The following C11orf71 variants were observed in gnomAD, a reference collection of about 807,000 sequenced individuals.
The protein encoded by C11orf71 is uncharacterized protein C11orf71.
For missense variants in C11orf71, 179 were observed against 167.6 expected, an observed-to-expected ratio of 1.07 and a Z score of -0.38; for synonymous variants, 72 against 73.4, an observed-to-expected ratio of 0.98 and a Z score of 0.09.
downstream of C11orf71, among the ~76,000 whole-genome samples, chr11:114,394,188 C>CT (rs774640964): frequency 2.1e-5 from 1 of 47,466 alleles, no homozygotes; most frequent in East Asian, 4.4e-4. Context: ...CGTTTCTTTT[C>CT]TTTTCTTTTC....
chr11:114,392,079 G>C (rs1946077338), intron 1 of C11orf71, among the ~76,000 whole-genome samples: 1 of 152,088 alleles, frequency 6.6e-6, no homozygotes. Flanking sequence ...ACAGGTATTG[G>C]TTGCATTTTA....
Position 114,400,046 on chromosome 11 carries a change from CA to C in C11orf71, c.285del (p.Ala96ProfsTer7). The C allele has an allele frequency of 6.2e-7, 1 of 1,614,036 alleles. No individual in the cohort carries two copies. The highest frequency in any genetic ancestry group is 8.5e-7 in the Non-Finnish European group (1 of 1,179,890). On this transcript the variant is annotated frameshift_variant, in exon 1 of 1. Transcript: ENST00000623205. LOFTEE classifies it low-confidence loss of function (END_TRUNC). ...CTTCTTAGGAGATCGGGTTCAACGG[CA>C]GGGATTGGGTAAGGTGAGAATCTGG... The part of the protein sequence containing the change: ...RQARFSPYPI[P>X]AVEPDLLRSV...
downstream of C11orf71, among the ~76,000 whole-genome samples, chr11:114,395,471 T>G (rs1946124049): frequency 6.6e-6 from 1 of 152,222 alleles, no homozygotes; most frequent in African/African-American, 2.4e-5. Flanking sequence ...ATGGAAAGTC[T>G]GAAATGTTTT....
At chr11:114,394,193 C>CTTTT (rs1200009241), downstream of C11orf71, among the ~76,000 whole-genome samples, 6 of 48,786 alleles carry the variant, frequency 1.2e-4, no homozygotes, top group African/African-American at 3.8e-4. Flanking sequence ...CTTTTCTTTT[C>CTTTT]TTTTCTTTTC....
Position 114,398,925 on chromosome 11 carries a change from C to T in C11orf71, c.*1035G>A, listed in dbSNP as rs1946150557. On this transcript the variant is annotated 3_prime_UTR_variant, in exon 1 of 1. Coordinates refer to ENST00000623205, the MANE Select transcript of C11orf71 (RefSeq NM_001271562.2). ...TATAAAGAGCTGGCACTTACAAAAC[C>T]CATTAACTTTCTCAAAATACCACCC... The T allele has an allele frequency of 6.6e-6, 1 of 151,948 alleles. No individual in the cohort carries two copies. The highest frequency in any genetic ancestry group is 2.1e-4 in the South Asian group (1 of 4,818). The allele number at this position is 151,948 out of a possible 1,614,324, so 9.4% of individuals were successfully genotyped here.
At chr11:114,394,264 T>C (rs868633051), downstream of C11orf71, among the ~76,000 whole-genome samples, 521 of 59,620 alleles carry the variant, frequency 8.7e-3, 22 homozygotes, top group African/African-American at 0.048. Context: ...TTTCTTTTCT[T>C]TTCTTTTCTT....
chr11:114,392,548 A>AAAAAAAAAAAAAAAAG (rs1461395379), intron 1 of C11orf71, among the ~76,000 whole-genome samples: 1 of 124,852 alleles, frequency 8.0e-6, no homozygotes, highest in African/African-American at 2.9e-5. Context: ...AAAAAAAAAA[A>AAAAAAAAAAAAAAAAG]AAGAAGAAGA....
intron 1 of C11orf71, among the ~76,000 whole-genome samples, chr11:114,392,744 A>C (rs1256571750): frequency 3.3e-5 from 5 of 151,610 alleles, no homozygotes; most frequent in East Asian, 1.9e-4. Flanking sequence ...AAAAAAAAAA[A>C]ACAAAAAAAA....
rs1180956138 is a variant in C11orf71 at position 114,392,739 on chromosome 11, A to G, written c.344-1074T>C. On this transcript the variant is annotated intron_variant, in intron 1 of 1. Coordinates refer to the C11orf71 transcript ENST00000325636. ...TAGAGTAAGATCCTGTCTCAAAAAA[A>G]AAAAAACAAAAAAAAATTGTACAAT... 2.0e-5 allele frequency among the ~76,000 whole-genome samples: 3 copies of G among 151,792 alleles called. No homozygotes were observed. The East Asian group carries it at 5.8e-4, about 29-fold the overall frequency.
chr11:114,397,822 A>G (rs1046800811), downstream of C11orf71, among the ~76,000 whole-genome samples: 1 of 152,194 alleles, frequency 6.6e-6, no homozygotes, highest in Non-Finnish European at 1.5e-5. Flanking sequence ...TCACCTTGGC[A>G]TAATTGATGG....
intron 1 of C11orf71, among the ~76,000 whole-genome samples, chr11:114,393,131 C>T (rs534145917): frequency 2.6e-5 from 4 of 152,322 alleles, no homozygotes; most frequent in African/African-American, 7.2e-5. Flanking sequence ...GGCAAAACAG[C>T]TCTTACATGC....
At chr11:114,398,394 T>C (rs1946143582), downstream of C11orf71, 1 of 151,516 alleles carries the variant, frequency 6.6e-6, no homozygotes, top group Non-Finnish European at 1.5e-5. Flanking sequence ...TGCAGGGCTC[T>C]ATCATTTACT....
At chr11:114,395,167 T>C (rs539665126), downstream of C11orf71, among the ~76,000 whole-genome samples, 6 of 152,108 alleles carry the variant, frequency 3.9e-5, no homozygotes, top group Non-Finnish European at 8.8e-5. Flanking sequence ...AGATTACACC[T>C]CTATCCCTGG....
chr11:114,395,065 C>T (rs1160855986), downstream of C11orf71, among the ~76,000 whole-genome samples: 10 of 151,814 alleles, frequency 6.6e-5, no homozygotes, highest in Admixed American at 2.6e-4. Flanking sequence ...TCATTCAACA[C>T]GCATTCATTA....
chr11:114,396,473 C>T (rs1448830205), downstream of C11orf71, among the ~76,000 whole-genome samples: 2 of 152,066 alleles, frequency 1.3e-5, no homozygotes, highest in South Asian at 2.1e-4. Context: ...CAGAGATGTG[C>T]TTTAGGAATA....
Position 114,399,970 on chromosome 11 carries a change from A to AT in C11orf71, c.361dup (p.Ile121AsnfsTer36), listed in dbSNP as rs767557232. 1 of 1,596,694 alleles carries AT rather than the reference A, an allele frequency of 6.3e-7. No individual in the cohort carries two copies. The highest frequency in any genetic ancestry group is 8.6e-7 in the Non-Finnish European group (1 of 1,166,736). On this transcript the variant is annotated frameshift_variant, in exon 1 of 1. Coordinates refer to ENST00000623205, the MANE Select transcript of C11orf71 (RefSeq NM_001271562.2). LOFTEE classifies it high-confidence loss of function. ...AGGAAAGGTGTTCGTTTAAACTGAA[A>AT]TTCGAGCTGCGATAACACCTCCTAA...
downstream of C11orf71, among the ~76,000 whole-genome samples, chr11:114,395,973 T>C (rs1367721247): frequency 1.3e-5 from 2 of 152,202 alleles, no homozygotes; most frequent in African/African-American, 4.8e-5. Context: ...CGTAGCTCAC[T>C]ACATTCCTCC....
At chr11:114,394,374 A>G (rs1946114341), downstream of C11orf71, among the ~76,000 whole-genome samples, 1 of 150,044 alleles carries the variant, frequency 6.7e-6, no homozygotes, top group Non-Finnish European at 1.5e-5. Flanking sequence ...GGCTCACTGC[A>G]ACTTCTGCCT....
In C11orf71 at chr11:114,400,272, G is replaced by A. The variant is rs778408255; in HGVS notation, c.60C>T (p.Arg20=). The change falls in exon 1 of 1, where the codon CGC becomes CGT. Residue 20 remains arginine (R), a synonymous_variant. Transcript: ENST00000623205. ...SGDQRSRVAY[R]SSHGDLRPRA... ...GCGGTCTGAGGTCGCCATGGGAAGA[G>A]CGGTAGGCCACCCTGCTCCTCTGAT... 1.9e-6 allele frequency: 3 copies of A among 1,610,898 alleles called. No homozygotes were observed. The highest frequency in any genetic ancestry group is 2.5e-6 in the Non-Finnish European group (3 of 1,178,620).
Sources: allele counts gnomAD v4.1 joint callset (sites outside exome capture counted in the v4.1 genomes callset), GRCh38; gene constraint gnomAD v4.1.1; transcripts MANE v1.5; gene names NCBI Gene and HGNC (gene_info 2026-07-23, HGNC 2026-07-21).